NDUFAF2: variants seen among roughly 807,000 people sequenced by gnomAD.
NDUFAF2 encodes NADH:ubiquinone oxidoreductase complex assembly factor 2, also known as NADH dehydrogenase [ubiquinone] 1 alpha subcomplex assembly factor 2.
NDUFAF2 carries 13 observed loss-of-function variants against 22.8 expected under a neutral mutation model. The observed-to-expected ratio is 0.57, with a 90% CI of 0.37 to 0.91. The LOEUF (loss-of-function observed/expected upper bound fraction) is 0.91, where lower values mean the gene tolerates loss of function less well. Among genes scored for constraint, NDUFAF2 ranks in the 40% least tolerant of loss-of-function variants. NDUFAF2 has a pLI of 0.01. For synonymous variants in NDUFAF2, 53 were observed against 64.2 expected, an observed-to-expected ratio of 0.83 and a Z score of 0.84; for missense variants, 162 against 195.2, an observed-to-expected ratio of 0.83 and a Z score of 1.01.
chr5:61,132,747 T>C (rs1753127949), intron 3 of NDUFAF2, among the ~76,000 whole-genome samples: 1 of 152,162 alleles, frequency 6.6e-6, no homozygotes, highest in Non-Finnish European at 1.5e-5. Context: ...CTCAGTATAG[T>C]TGTTTCGAGT....
chr5:60,983,850 G>C (rs1273534679), intron 1 of NDUFAF2, among the ~76,000 whole-genome samples: 1 of 152,078 alleles, frequency 6.6e-6, no homozygotes, highest in Non-Finnish European at 1.5e-5. Context: ...CTCCAGCTTT[G>C]TTCTTTTGGC....
intron 3 of NDUFAF2, among the ~76,000 whole-genome samples, chr5:61,134,888 C>T (rs1220937644): frequency 6.6e-6 from 1 of 152,026 alleles, no homozygotes; most frequent in African/African-American, 2.4e-5. Context: ...TTGTCTTACT[C>T]TTCTTACTAT....
chr5:61,027,864 T>C (rs988850556), intron 1 of NDUFAF2, among the ~76,000 whole-genome samples: 1 of 152,042 alleles, frequency 6.6e-6, no homozygotes, highest in Non-Finnish European at 1.5e-5. Flanking sequence ...GTATTTTTTG[T>C]TTTTATGTAT....
chr5:61,107,189 T>G (rs184484602), intron 3 of NDUFAF2, among the ~76,000 whole-genome samples: 1 of 151,344 alleles, frequency 6.6e-6, no homozygotes, highest in Admixed American at 6.6e-5. Context: ...TGTACTAATT[T>G]ACATTCCCAC....
At chr5:60,999,297 A>G (rs978355056) in intron 1 of NDUFAF2, among the ~76,000 whole-genome samples, 20 of 152,108 alleles carry the variant, frequency 1.3e-4, no homozygotes, top group Admixed American at 1.3e-3. Flanking sequence ...ACAATAGCCA[A>G]AAGGCAAAAA....
intron 1 of NDUFAF2, among the ~76,000 whole-genome samples, chr5:61,065,180 A>G (rs966584869): frequency 6.6e-6 from 1 of 152,070 alleles, no homozygotes; most frequent in African/African-American, 2.4e-5. Context: ...GAATAGACCA[A>G]TATTAATAAA....
chr5:61,003,157 G>T (rs1751318967), intron 1 of NDUFAF2, among the ~76,000 whole-genome samples: 1 of 152,048 alleles, frequency 6.6e-6, no homozygotes. Flanking sequence ...ATAAATGTCT[G>T]CCAGTACTAT....
At chr5:61,052,803 A>T (rs78789667) in intron 1 of NDUFAF2, among the ~76,000 whole-genome samples, 2,189 of 152,334 alleles carry the variant, frequency 0.014, 66 homozygotes, top group African/African-American at 0.05. Flanking sequence ...TTAATTCAGT[A>T]AAACCAGTTT....
intron 1 of NDUFAF2, among the ~76,000 whole-genome samples, chr5:61,067,562 A>T (rs1270503215): frequency 2.0e-5 from 3 of 151,956 alleles, no homozygotes; most frequent in African/African-American, 4.8e-5. Context: ...TCTATCATTG[A>T]TGGATATTTG....
chr5:61,043,628 A>T (rs530380307), intron 1 of NDUFAF2, among the ~76,000 whole-genome samples: 2 of 152,112 alleles, frequency 1.3e-5, no homozygotes, highest in African/African-American at 4.8e-5. Flanking sequence ...TTCAAGTTTC[A>T]TCCAAGTTGT....
intron 3 of NDUFAF2, among the ~76,000 whole-genome samples, chr5:61,140,160 G>T (rs529174802): frequency 1.3e-5 from 2 of 152,246 alleles, no homozygotes; most frequent in Non-Finnish European, 2.9e-5. Flanking sequence ...GCAGGGCATC[G>T]CCAGCCAGAG....
chr5:61,040,278 A>ACGCGCGCGCG (rs1469467028), intron 1 of NDUFAF2, among the ~76,000 whole-genome samples: 2 of 128,864 alleles, frequency 1.6e-5, no homozygotes, highest in African/African-American at 7.4e-5. Context: ...ACACACACAC[A>ACGCGCGCGCG]CACACACACG....
intron 3 of NDUFAF2, among the ~76,000 whole-genome samples, chr5:61,111,369 T>G (rs751245898): frequency 3.3e-5 from 5 of 152,210 alleles, no homozygotes; most frequent in African/African-American, 1.2e-4. Context: ...GTTTCTTTGT[T>G]GATTTTCTGT....
intron 1 of NDUFAF2, among the ~76,000 whole-genome samples, chr5:61,008,778 T>A (rs1751406278): frequency 6.6e-6 from 1 of 152,122 alleles, no homozygotes; most frequent in Admixed American, 6.6e-5. Context: ...TATGTTTGTT[T>A]CTTTCTATTA....
chr5:61,031,690 G>A (rs1036649870), intron 1 of NDUFAF2, among the ~76,000 whole-genome samples: 8 of 152,140 alleles, frequency 5.3e-5, no homozygotes, highest in African/African-American at 1.9e-4. Flanking sequence ...AAACATACGT[G>A]TGCATGTGTC....
chr5:61,108,983 A>G lies in NDUFAF2; in HGVS notation c.258+9951A>G, dbSNP rs569385143. On this transcript the variant is annotated intron_variant, in intron 3 of 3. Coordinates refer to ENST00000296597, the MANE Select transcript of NDUFAF2 (RefSeq NM_174889.5). ...ATAATAATTTTAGAATTTTTTTTCT[A>G]TTTCTGTGAATGTCATTGGTATTTT... Among the ~76,000 whole-genome samples the G allele has an allele frequency of 1.3e-5, 2 of 152,086 alleles. 1 individual carries two copies. The highest frequency in any genetic ancestry group is 4.1e-4 in the South Asian group (2 of 4,820).
chr5:61,049,869 T>G (rs1013951035), intron 1 of NDUFAF2, among the ~76,000 whole-genome samples: 1 of 139,948 alleles, frequency 7.1e-6, no homozygotes, highest in Non-Finnish European at 1.5e-5. Flanking sequence ...TATACACAAA[T>G]TATGCAATTT....
chr5:60,946,860 T>A (rs962893487), intron 1 of NDUFAF2, among the ~76,000 whole-genome samples: 28 of 152,234 alleles, frequency 1.8e-4, no homozygotes, highest in Non-Finnish European at 2.9e-4. Context: ...TTTTGTCTTT[T>A]CTAGAATATC....
At chr5:61,004,888 A>G (rs1430594429) in intron 1 of NDUFAF2, among the ~76,000 whole-genome samples, 1 of 152,014 alleles carries the variant, frequency 6.6e-6, no homozygotes. Flanking sequence ...TATAAAATGT[A>G]CTTTCACTTC....
Sources: allele counts gnomAD v4.1 joint callset (sites outside exome capture counted in the v4.1 genomes callset), GRCh38; gene constraint gnomAD v4.1.1; transcripts MANE v1.5; gene names NCBI Gene and HGNC (gene_info 2026-07-23, HGNC 2026-07-21).